The following MTMR7 variants were observed in gnomAD, a reference collection of about 807,000 sequenced individuals.
MTMR7 encodes phosphatidylinositol-3-phosphate phosphatase MTMR7.
Under a neutral mutation model 81.2 loss-of-function variants are expected in MTMR7, and 76 were observed. The ratio of observed to expected loss-of-function variants is 0.94; its 90% CI spans 0.78 to 1.13. MTMR7 has a LOEUF of 1.13. Ranked by LOEUF, MTMR7 falls within the 50% of genes most tolerant of loss-of-function variation. The pLI, the probability that MTMR7 is intolerant of heterozygous loss-of-function variation, is 0.00. For missense variants in MTMR7, 1,044 were observed against 820.0 expected, an observed-to-expected ratio of 1.27 and a Z score of -3.34; for synonymous variants, 372 against 289.8, an observed-to-expected ratio of 1.28 and a Z score of -2.88.
chr8:17,312,851 G>A (rs1038630453), intron 8 of MTMR7, among the ~76,000 whole-genome samples: 3 of 152,100 alleles, frequency 2.0e-5, no homozygotes, highest in Non-Finnish European at 4.4e-5. Context: ...TTCTAAAACA[G>A]CTTATGTGAA....
At chr8:17,399,581 T>C (rs1277226561) in intron 1 of MTMR7, among the ~76,000 whole-genome samples, 1 of 152,060 alleles carries the variant, frequency 6.6e-6, no homozygotes, top group African/African-American at 2.4e-5. Flanking sequence ...TTCAATACAA[T>C]CCCTATCAAA....
chr8:17,303,198 T>C (rs1432758098), intron 12 of MTMR7, among the ~76,000 whole-genome samples: 2 of 152,182 alleles, frequency 1.3e-5, no homozygotes, highest in Admixed American at 6.5e-5. Context: ...CAATAAAATA[T>C]GTGTTGACTA....
intron 10 of MTMR7, among the ~76,000 whole-genome samples, chr8:17,308,069 G>T (rs1303783305): frequency 6.8e-6 from 1 of 147,754 alleles, no homozygotes; most frequent in Non-Finnish European, 1.5e-5. Context: ...ATAAAATGAG[G>T]AAGAAAAAAA....
At chr8:17,370,998 G>C (rs375117533) in intron 3 of MTMR7, 39 bp downstream of exon 3, 43 of 1,590,662 alleles carry the variant, frequency 2.7e-5, no homozygotes, top group African/African-American at 4.1e-5. Flanking sequence ...AAATTTTTAA[G>C]AGAGGTTCCA....
chr8:17,371,190 T>C lies in MTMR7; in HGVS notation c.157A>G (p.Ser53Gly). ...DPRKETWILH[S>G]QISTIEKQAT... ...TGTTTCTCAATGGTGGAAATCTGACTGTGAAGAATCTAGAACCAAATGTTA... is the reference window on the plus strand; with the variant it reads ...TGTTTCTCAATGGTGGAAATCTGACCGTGAAGAATCTAGAACCAAATGTTA... Residue 53 changes from serine (S) to glycine (G), a missense_variant, in exon 3 of 14, where the codon AGT (serine) becomes GGT (glycine). Ser to Gly is a moderately conservative substitution (Grantham distance 56). Transcript: ENST00000180173. 3.1e-6 allele frequency: 5 copies of C among 1,614,086 alleles called. No individual in the cohort carries two copies. Among genetic ancestry groups the C allele is most frequent in the Non-Finnish European group, 4.2e-6 (5 of 1,180,004 alleles).
At chr8:17,341,341 G>C (rs1819400959) in intron 6 of MTMR7, 22 bp downstream of exon 6, 3 of 1,613,112 alleles carry the variant, frequency 1.9e-6, no homozygotes, top group South Asian at 1.1e-5. Flanking sequence ...GCAAAGACAT[G>C]CATCGCAACG....
At chr8:17,344,149 A>C (rs1230083256) in intron 5 of MTMR7, among the ~76,000 whole-genome samples, 2 of 152,234 alleles carry the variant, frequency 1.3e-5, no homozygotes, top group Non-Finnish European at 2.9e-5. Context: ...TGATACATGA[A>C]GTGACCAAAG....
At chr8:17,317,413 G>A (rs6587032) in intron 7 of MTMR7, among the ~76,000 whole-genome samples, 40,379 of 151,932 alleles carry the variant, frequency 0.27, 6,235 homozygotes, top group African/African-American at 0.42. Flanking sequence ...TGTCCTAAGA[G>A]GACAGCTGGG....
intron 1 of MTMR7, among the ~76,000 whole-genome samples, chr8:17,409,636 G>T (rs1265353439): frequency 6.6e-6 from 1 of 152,068 alleles, no homozygotes; most frequent in Non-Finnish European, 1.5e-5. Context: ...ATCAAGCAGG[G>T]GAGCTTGACA....
intron 1 of MTMR7, among the ~76,000 whole-genome samples, chr8:17,409,739 C>A (rs1821688775): frequency 6.6e-6 from 1 of 152,082 alleles, no homozygotes; most frequent in South Asian, 2.1e-4. Flanking sequence ...ACAGGCAGAT[C>A]TGATTTAGAT....
chr8:17,301,174 A>T (rs758201663), intron 13 of MTMR7, among the ~76,000 whole-genome samples: 2 of 152,222 alleles, frequency 1.3e-5, no homozygotes, highest in African/African-American at 2.4e-5. Context: ...CAGTGTGAGG[A>T]AAAGAGATAG....
rs1254934743 is a variant in MTMR7 at position 17,297,716 on chromosome 8, A to ATATT, written c.*2142_*2145dup. The ATATT allele has an allele frequency of 1.6e-5, 2 of 128,890 alleles. No individual in the cohort carries two copies. The highest frequency in any genetic ancestry group is 4.9e-4 in the East Asian group (2 of 4,122). 8.0% of individuals were successfully genotyped at this position (128,890 alleles called of 1,614,324 possible). A position where few individuals can be genotyped will look rare whatever the true frequency, so the allele number is the denominator to read the frequency against. ...TTCCTGATTAATGTTTGATTATTAGATATTTTAGTCTTGTTGGGGATATTT... is the reference window on the plus strand; with the variant it reads ...TTCCTGATTAATGTTTGATTATTAGATATTTATTTTAGTCTTGTTGGGGATATTT... On this transcript the variant is annotated 3_prime_UTR_variant, in exon 14 of 14. Transcript: ENST00000180173.
At chr8:17,329,408 C>G (rs1420716912) in intron 7 of MTMR7, among the ~76,000 whole-genome samples, 1 of 152,206 alleles carries the variant, frequency 6.6e-6, no homozygotes, top group African/African-American at 2.4e-5. Flanking sequence ...ACCATGTTCC[C>G]TTATGAAACA....
At chr8:17,311,028 T>G (rs1193309526) in intron 9 of MTMR7, among the ~76,000 whole-genome samples, 1 of 152,110 alleles carries the variant, frequency 6.6e-6, no homozygotes, top group Non-Finnish European at 1.5e-5. Context: ...GCTGTGAAAT[T>G]TTCAGCATTC....
intron 2 of MTMR7, among the ~76,000 whole-genome samples, chr8:17,372,007 C>G (rs918957391): frequency 1.3e-5 from 2 of 151,962 alleles, no homozygotes; most frequent in Non-Finnish European, 2.9e-5. Context: ...GCCCTTCAAT[C>G]AATATCTCCT....
chr8:17,341,646 G>A (rs193186666), intron 5 of MTMR7, 149 bp from the exon 6 acceptor site: 1 of 1,026,324 alleles, frequency 9.7e-7, no homozygotes, highest in Admixed American at 3.0e-5. Flanking sequence ...TGGAAATCAA[G>A]CCTTGTTTAT....
In MTMR7 at chr8:17,341,500, AG is replaced by A; in HGVS notation, c.598-4del. The A allele has an allele frequency of 6.2e-7, 1 of 1,613,258 alleles. No individual in the cohort carries two copies. The highest frequency in any genetic ancestry group is 8.5e-7 in the Non-Finnish European group (1 of 1,179,938). ...TGGCTGCTCCGGCAGATGGAGGCCTAGGGGGAGAGGTCACAGCAACACAGCA... is the reference window on the plus strand; with the variant it reads ...TGGCTGCTCCGGCAGATGGAGGCCTAGGGGAGAGGTCACAGCAACACAGCA... On this transcript the variant is annotated splice_region_variant and splice_polypyrimidine_tract_variant and intron_variant, in intron 5 of 13. Coordinates refer to ENST00000180173, the MANE Select transcript of MTMR7 (RefSeq NM_004686.5).
intron 1 of MTMR7, among the ~76,000 whole-genome samples, chr8:17,388,504 T>A (rs1345386236): frequency 6.6e-6 from 1 of 152,210 alleles, no homozygotes; most frequent in Non-Finnish European, 1.5e-5. Context: ...AAGACCTTGC[T>A]TTGAAGCAAT....
chr8:17,330,766 A>G (rs1818959525), intron 7 of MTMR7, among the ~76,000 whole-genome samples: 2 of 152,190 alleles, frequency 1.3e-5, no homozygotes, highest in South Asian at 4.1e-4. Context: ...TTCAGCAAGG[A>G]TCAGTTTTTG....
Sources: gnomAD v4.1 joint callset for allele counts (sites outside exome capture counted in the v4.1 genomes callset) on GRCh38, gnomAD v4.1.1 for gene constraint, MANE v1.5 for transcripts, NCBI Gene and HGNC (gene_info 2026-07-23, HGNC 2026-07-21) for gene names.